Variants in CSMD1 observed in about 807,000 individuals in gnomAD.
CSMD1 encodes CUB and Sushi multiple domains 1.
In CSMD1, 213 loss-of-function variants were observed where a neutral mutation model predicts 417.5. That is an observed-to-expected ratio of 0.51 (90% CI 0.46 to 0.57). The LOEUF (loss-of-function observed/expected upper bound fraction) is 0.57, where lower values mean the gene tolerates loss of function less well. CSMD1 is among the 20% of genes least tolerant of loss of function. The pLI, the probability that CSMD1 is intolerant of heterozygous loss-of-function variation, is 0.00. For missense variants in CSMD1, 6,923 were observed against 4,529.7 expected, an observed-to-expected ratio of 1.53 and a Z score of -15.17; for synonymous variants, 2,862 against 1,736.8, an observed-to-expected ratio of 1.65 and a Z score of -16.11.
At chr8:4,017,832 T>C (rs1299191463) in intron 4 of CSMD1, among the ~76,000 whole-genome samples, 1 of 152,168 alleles carries the variant, frequency 6.6e-6, no homozygotes, top group African/African-American at 2.4e-5. Flanking sequence ...TCTCAGCTGT[T>C]TGGGTGACTG....
At chr8:4,517,254 C>G (rs532093409) in intron 2 of CSMD1, among the ~76,000 whole-genome samples, 1 of 152,216 alleles carries the variant, frequency 6.6e-6, no homozygotes, top group South Asian at 2.1e-4. Flanking sequence ...AATAATCATT[C>G]AGAGAGTAAT....
At position 4,300,708 on chromosome 8, in the gene CSMD1, C is replaced by A. The variant is rs372605814; in HGVS notation, c.415+119245G>T. The stretch of plus-strand genomic sequence containing the variant: ...ACTCTCCCAACCCCACAACAGTCCC[C>A]GGAGTGTGATGTTCCCCTTCCTGCG... On this transcript the variant is annotated intron_variant, in intron 3 of 69. Transcript: ENST00000635120. Among the ~76,000 whole-genome samples, 8 of 152,236 alleles carry A rather than the reference C, an allele frequency of 5.3e-5. 1 individual carries two copies. In the South Asian group the frequency reaches 1.2e-3, roughly 24 times the overall value.
chr8:4,696,581 G>C (rs924381494), intron 1 of CSMD1, among the ~76,000 whole-genome samples: 2 of 152,282 alleles, frequency 1.3e-5, no homozygotes, highest in South Asian at 4.1e-4. Context: ...AGGAATAACA[G>C]TTAATTTCCC....
intron 5 of CSMD1, among the ~76,000 whole-genome samples, chr8:3,947,112 T>C (rs1811281561): frequency 6.6e-6 from 1 of 152,198 alleles, no homozygotes; most frequent in African/African-American, 2.4e-5. Flanking sequence ...TCTGATTTTA[T>C]GAGGAATTGA....
chr8:3,610,547 T>C (rs894954301), intron 8 of CSMD1, among the ~76,000 whole-genome samples: 1 of 152,084 alleles, frequency 6.6e-6, no homozygotes, highest in Non-Finnish European at 1.5e-5. Flanking sequence ...GTATATAATA[T>C]AGGTCATGTA....
At chr8:3,864,123 T>TA (rs890923267) in intron 5 of CSMD1, among the ~76,000 whole-genome samples, 198 of 145,122 alleles carry the variant, frequency 1.4e-3, no homozygotes, top group East Asian at 4.3e-3. Context: ...GTTGATATTT[T>TA]AAAAAAAAAT....
At position 4,428,522 on chromosome 8, in the gene CSMD1, G is replaced by C. The variant is rs75844010; in HGVS notation, c.303-8457C>G. On this transcript the variant is annotated intron_variant, in intron 2 of 69. Coordinates refer to ENST00000635120, the MANE Select transcript of CSMD1 (RefSeq NM_033225.6). ...TATCTCTCTCTACATGTCAGAGCAGGTATACACACAGAAGTATGTTAACAT... is the reference window on the plus strand; with the variant it reads ...TATCTCTCTCTACATGTCAGAGCAGCTATACACACAGAAGTATGTTAACAT... Among the ~76,000 whole-genome samples, 753 of 152,216 alleles carry C rather than the reference G, an allele frequency of 4.9e-3. 53 individuals carry two copies. In the East Asian group the frequency reaches 0.13, roughly 27 times the overall value.
chr8:2,969,064 TTAAA>T (rs1804213430), intron 57 of CSMD1, among the ~76,000 whole-genome samples: 1 of 152,122 alleles, frequency 6.6e-6, no homozygotes, highest in African/African-American at 2.4e-5. Flanking sequence ...CTCATGCAAG[TTAAA>T]TAAACCTGAG....
chr8:4,886,431 T>A (rs1803744877), intron 1 of CSMD1, among the ~76,000 whole-genome samples: 1 of 152,088 alleles, frequency 6.6e-6, no homozygotes, highest in African/African-American at 2.4e-5. Flanking sequence ...AATTTGCATC[T>A]ATATTCATAA....
At chr8:4,353,879 G>T (rs778694155) in intron 3 of CSMD1, among the ~76,000 whole-genome samples, 7 of 152,136 alleles carry the variant, frequency 4.6e-5, no homozygotes, top group African/African-American at 9.7e-5. Context: ...CAGCAATAGT[G>T]CCAGGGAAAA....
intron 3 of CSMD1, among the ~76,000 whole-genome samples, chr8:4,176,383 C>G (rs1177693654): frequency 6.6e-6 from 1 of 152,082 alleles, no homozygotes; most frequent in Non-Finnish European, 1.5e-5. Context: ...TCTTAAGCCT[C>G]TTATTCTCAT....
rs375593576 is a variant in CSMD1, at chr8:4,764,955, C to G, written c.86-127397G>C. On this transcript the variant is annotated intron_variant, in intron 1 of 69. Coordinates refer to ENST00000635120, the MANE Select transcript of CSMD1 (RefSeq NM_033225.6). ...TTATTTGAAGGTAATTTCCATGTTG[C>G]ACACTCTTTATTTAAAATTCTAGAG... Among the ~76,000 whole-genome samples the G allele has an allele frequency of 2.0e-5, 3 of 149,422 alleles. No homozygotes were observed. The East Asian group carries it at 5.9e-4, about 29-fold the overall frequency.
At position 3,655,071 on chromosome 8, in the gene CSMD1, GT is replaced by G. The variant is rs200264493; in HGVS notation, c.1010-38275del. 5.0e-3 allele frequency among the ~76,000 whole-genome samples: 766 copies of G among 152,264 alleles called. 5 individuals are homozygous for G. Among genetic ancestry groups the G allele is most frequent in the African/African-American group, 0.017 (724 of 41,552 alleles). ...TAAAGAGGGAAATAATTTAAAGAAT[GT>G]TTTTTAACCAATTTATTTTCATTCA... On this transcript the variant is annotated intron_variant, in intron 7 of 69. Transcript: ENST00000635120.
chr8:4,910,922 G>A (rs558475966), intron 1 of CSMD1, among the ~76,000 whole-genome samples: 1 of 152,212 alleles, frequency 6.6e-6, no homozygotes, highest in African/African-American at 2.4e-5. Flanking sequence ...ATTGAATCAT[G>A]GGGTCAGGTC....
At chr8:4,000,543 G>A (rs2258903) in intron 4 of CSMD1, among the ~76,000 whole-genome samples, 5 of 151,962 alleles carry the variant, frequency 3.3e-5, no homozygotes, top group Non-Finnish European at 7.4e-5. Context: ...GGTGAATCAG[G>A]TTAACAACTA....
At chr8:4,822,586 T>A (rs1021314421) in intron 1 of CSMD1, among the ~76,000 whole-genome samples, 1 of 152,054 alleles carries the variant, frequency 6.6e-6, no homozygotes, top group African/African-American at 2.4e-5. Context: ...TTTATATTTT[T>A]AGCAATTTTT....
At chr8:3,740,935 G>A (rs1015308746) in intron 6 of CSMD1, among the ~76,000 whole-genome samples, 1 of 152,032 alleles carries the variant, frequency 6.6e-6, no homozygotes, top group Non-Finnish European at 1.5e-5. Flanking sequence ...GATAGAGGGG[G>A]CCAGGGGTAG....
chr8:4,372,026 G>C (rs1044881134), intron 3 of CSMD1, among the ~76,000 whole-genome samples: 8 of 151,240 alleles, frequency 5.3e-5, no homozygotes, highest in African/African-American at 1.9e-4. Flanking sequence ...GCACGATATA[G>C]CTACAGGTCA....
At chr8:4,236,055 T>TTTTTTTTTTTTTTTTTTTTTTTG (rs1802038108) in intron 3 of CSMD1, among the ~76,000 whole-genome samples, 2 of 83,744 alleles carry the variant, frequency 2.4e-5, no homozygotes, top group Middle Eastern at 6.0e-3. Flanking sequence ...TTTTTTTTTT[T>TTTTTTTTTTTTTTTTTTTTTTTG]TTTTTTTTTT....
Sources: gnomAD v4.1 joint callset for allele counts (sites outside exome capture counted in the v4.1 genomes callset) on GRCh38, gnomAD v4.1.1 for gene constraint, MANE v1.5 for transcripts, NCBI Gene and HGNC (gene_info 2026-07-23, HGNC 2026-07-21) for gene names.